Variants in PVT1 observed in about 807,000 individuals in gnomAD.
PVT1 encodes CXCR4/PVT1 fusion.
intron 3 of PVT1, among the ~76,000 whole-genome samples, chr8:127,986,914 G>A (rs554836160): frequency 6.6e-6 from 1 of 152,164 alleles, no homozygotes; most frequent in African/African-American, 2.4e-5. Flanking sequence ...AACGTGCTGG[G>A]TTATTGCAAC....
intron 3 of PVT1, among the ~76,000 whole-genome samples, chr8:127,937,881 C>T (rs761238136): frequency 6.6e-5 from 10 of 152,120 alleles, no homozygotes; most frequent in Non-Finnish European, 8.8e-5. Flanking sequence ...AGTCTCACTG[C>T]GAAAGTAACA....
intron 4 of PVT1, among the ~76,000 whole-genome samples, chr8:127,999,481 A>C (rs1411846700): frequency 6.9e-6 from 1 of 144,094 alleles, no homozygotes; most frequent in Admixed American, 6.9e-5. Flanking sequence ...TTTTTTTTTG[A>C]AATGGATTCT....
At chr8:128,080,860 A>G (rs1814167084) in intron 5 of PVT1, among the ~76,000 whole-genome samples, 1 of 152,200 alleles carries the variant, frequency 6.6e-6, no homozygotes, top group Admixed American at 6.5e-5. Flanking sequence ...TTTTAGGTCT[A>G]TGATGCATTT....
chr8:127,944,750 G>A (rs59484915), intron 3 of PVT1, among the ~76,000 whole-genome samples: 2,837 of 152,210 alleles, frequency 0.019, 93 homozygotes, highest in African/African-American at 0.064. Context: ...CAGTCAGCCC[G>A]GCCCCTTTGA....
At chr8:127,933,599 G>T (rs571240584) in intron 3 of PVT1, among the ~76,000 whole-genome samples, 1 of 152,200 alleles carries the variant, frequency 6.6e-6, no homozygotes, top group Non-Finnish European at 1.5e-5. Context: ...CTGGTGAGGG[G>T]ATGATGCCCT....
intron 4 of PVT1, among the ~76,000 whole-genome samples, chr8:128,032,000 G>A (rs781609351): frequency 6.6e-6 from 1 of 152,200 alleles, no homozygotes; most frequent in African/African-American, 2.4e-5. Flanking sequence ...CGATGACAGC[G>A]ATGGCGGTGG....
intron 3 of PVT1, among the ~76,000 whole-genome samples, chr8:127,969,048 C>T (rs1816734818): frequency 6.6e-6 from 1 of 152,152 alleles, no homozygotes; most frequent in Admixed American, 6.5e-5. Context: ...TATTTTGCGA[C>T]CATTTGTACC....
At chr8:127,974,764 A>T (rs1203680172) in intron 3 of PVT1, among the ~76,000 whole-genome samples, 1 of 152,222 alleles carries the variant, frequency 6.6e-6, no homozygotes, top group East Asian at 1.9e-4. Flanking sequence ...ATTTCCAAAG[A>T]ATAGATACGG....
At chr8:127,828,757 T>C (rs1481931110) in intron 2 of PVT1, among the ~76,000 whole-genome samples, 2 of 152,092 alleles carry the variant, frequency 1.3e-5, no homozygotes, top group African/African-American at 4.8e-5. Context: ...CATCCTTCCA[T>C]GTGTGTCCTC....
At chr8:127,928,886 AAGTCAG>A (rs1252280422) in intron 3 of PVT1, among the ~76,000 whole-genome samples, 1 of 152,218 alleles carries the variant, frequency 6.6e-6, no homozygotes, top group African/African-American at 2.4e-5. Context: ...AGTTTGAAGA[AAGTCAG>A]CCTTTCAAGT....
chr8:128,078,762 T>C (rs1814129525), intron 5 of PVT1, among the ~76,000 whole-genome samples: 1 of 152,224 alleles, frequency 6.6e-6, no homozygotes, highest in Non-Finnish European at 1.5e-5. Context: ...CAATTATCAT[T>C]ATCAATGTGC....
chr8:127,925,432 T>C (rs1460274396), intron 3 of PVT1, among the ~76,000 whole-genome samples: 2 of 152,204 alleles, frequency 1.3e-5, no homozygotes, highest in Non-Finnish European at 2.9e-5. Flanking sequence ...CTCTACTATT[T>C]TGGGAAAGAT....
chr8:128,042,848 C>T (rs1813562683), intron 4 of PVT1, among the ~76,000 whole-genome samples: 1 of 152,018 alleles, frequency 6.6e-6, no homozygotes, highest in South Asian at 2.1e-4. Context: ...ACTGCAACCT[C>T]TGCCTCCTGG....
chr8:127,907,217 C>T lies in PVT1; in HGVS notation n.782+16219C>T, dbSNP rs149789221. Among the ~76,000 whole-genome samples, 923 of 151,996 alleles carry T rather than the reference C, an allele frequency of 6.1e-3. 20 individuals carry two copies. The highest frequency in any genetic ancestry group is 0.021 in the African/African-American group (878 of 41,440). On this transcript the variant is annotated intron_variant and non_coding_transcript_variant, in intron 3 of 10. Transcript: ENST00000651587. The stretch of plus-strand genomic sequence containing the variant: ...CTCCTGACCTCAGGTAATCTGCCAG[C>T]CTCGGCCTCCCAAAGTGCTGGGATT...
At chr8:127,846,960 C>T (rs1158781649) in intron 2 of PVT1, among the ~76,000 whole-genome samples, 3 of 143,380 alleles carry the variant, frequency 2.1e-5, no homozygotes, top group African/African-American at 5.2e-5. Context: ...GGATTACAAG[C>T]GTGAGCCATT....
intron 3 of PVT1, among the ~76,000 whole-genome samples, chr8:127,937,513 C>T (rs1266734082): frequency 6.7e-6 from 1 of 150,092 alleles, no homozygotes; most frequent in African/African-American, 2.5e-5. Flanking sequence ...CAGGGTGCCA[C>T]CTGCCTGAAA....
chr8:127,867,623 T>A (rs150221981), intron 2 of PVT1, among the ~76,000 whole-genome samples: 2 of 152,346 alleles, frequency 1.3e-5, no homozygotes, highest in Non-Finnish European at 2.9e-5. Context: ...TGGGCTGGCC[T>A]TGATTGAAGG....
chr8:127,987,079 G>A (rs976474523), intron 3 of PVT1, among the ~76,000 whole-genome samples: 2 of 152,184 alleles, frequency 1.3e-5, no homozygotes, highest in Non-Finnish European at 2.9e-5. Context: ...TGGGAAGAAA[G>A]GTTATGTGTC....
intron 4 of PVT1, among the ~76,000 whole-genome samples, chr8:128,042,124 A>G (rs1404996151): frequency 6.6e-6 from 1 of 152,190 alleles, no homozygotes; most frequent in Non-Finnish European, 1.5e-5. Flanking sequence ...TGGTACAAAT[A>G]GTTTTGCAGC....
Sources: gnomAD v4.1 joint callset for allele counts (sites outside exome capture counted in the v4.1 genomes callset) on GRCh38, gnomAD v4.1.1 for gene constraint, MANE v1.5 for transcripts, NCBI Gene and HGNC (gene_info 2026-07-23, HGNC 2026-07-21) for gene names.